The following UBE3A variants were observed in gnomAD, a reference collection of about 807,000 sequenced individuals.
The protein encoded by UBE3A is ubiquitin-protein ligase E3A.
UBE3A carries 6 observed loss-of-function variants against 83.4 expected under a neutral mutation model. The ratio of observed to expected loss-of-function variants is 0.07; its 90% CI spans 0.04 to 0.14. The LOEUF is 0.14. UBE3A is among the 10% of genes least tolerant of loss of function. UBE3A has a pLI of 1.00. For synonymous variants in UBE3A, 337 were observed against 355.4 expected, an observed-to-expected ratio of 0.95 and a Z score of 0.58; for missense variants, 456 against 1,036.1, an observed-to-expected ratio of 0.44 and a Z score of 7.69.
chr15:25,355,551 T>G (rs910897400), intron 9 of UBE3A, among the ~76,000 whole-genome samples: 1 of 152,176 alleles, frequency 6.6e-6, no homozygotes, highest in Non-Finnish European at 1.5e-5. Context: ...TAAATGTAAT[T>G]TTTATTTGTT....
At chr15:25,379,926 A>T (rs2081898665) in intron 4 of UBE3A, among the ~76,000 whole-genome samples, 1 of 152,178 alleles carries the variant, frequency 6.6e-6, no homozygotes, top group Non-Finnish European at 1.5e-5. Context: ...AAGTTCATTG[A>T]TTTATAAATA....
intron 6 of UBE3A, among the ~76,000 whole-genome samples, chr15:25,369,067 C>T (rs893523526): frequency 6.6e-6 from 1 of 152,072 alleles, no homozygotes; most frequent in Non-Finnish European, 1.5e-5. Context: ...ATAGACAGAC[C>T]TCAACATACC....
chr15:25,340,057 A>G (rs2074486567), intron 12 of UBE3A, 28 bp downstream of exon 12: 2 of 1,613,906 alleles, frequency 1.2e-6, no homozygotes, highest in Middle Eastern at 1.7e-4. Flanking sequence ...TTCGGTAGGT[A>G]TACAGTCACA....
In UBE3A at chr15:25,438,738, G is replaced by A. The variant is rs1337871546; in HGVS notation, c.-414C>T. 1 of 152,442 alleles carries A rather than the reference G, an allele frequency of 6.6e-6. No homozygotes were observed. The highest frequency in any genetic ancestry group is 1.5e-5 in the Non-Finnish European group (1 of 68,210). The allele number at this position is 152,442 out of a possible 1,614,324, so 9.4% of individuals were successfully genotyped here. On this transcript the variant is annotated 5_prime_UTR_variant, in exon 1 of 13. Transcript: ENST00000648336. The stretch of plus-strand genomic sequence containing the variant: ...GGGGGGCTGAGGGGCCCTCCTGCCA[G>A]GGGCTACAGGCCGCGAGCTATTCCG...
At chr15:25,388,571 C>T (rs1001494329) in intron 4 of UBE3A, among the ~76,000 whole-genome samples, 6 of 152,034 alleles carry the variant, frequency 3.9e-5, no homozygotes, top group Non-Finnish European at 8.8e-5. Flanking sequence ...AGAATATCCC[C>T]ACCTCACCAC....
At chr15:25,386,804 A>G (rs913022829) in intron 4 of UBE3A, among the ~76,000 whole-genome samples, 1 of 151,998 alleles carries the variant, frequency 6.6e-6, no homozygotes, top group Non-Finnish European at 1.5e-5. Flanking sequence ...TAGTGTTGAG[A>G]GAAAAAAAAA....
intron 1 of UBE3A, among the ~76,000 whole-genome samples, chr15:25,423,297 A>C (rs553108501): frequency 1.1e-4 from 16 of 152,318 alleles, no homozygotes; most frequent in African/African-American, 3.8e-4. Flanking sequence ...ACATGAATCA[A>C]AACAAGGTAA....
chr15:25,410,865 A>G (rs1475972257), intron 2 of UBE3A, among the ~76,000 whole-genome samples: 1 of 152,188 alleles, frequency 6.6e-6, no homozygotes, highest in Admixed American at 6.5e-5. Context: ...CCTTCCCTAA[A>G]ATAAACAATG....
chr15:25,349,643 C>T (rs935043004), intron 11 of UBE3A, among the ~76,000 whole-genome samples: 1 of 152,108 alleles, frequency 6.6e-6, no homozygotes, highest in African/African-American at 2.4e-5. Context: ...TTCATAGATA[C>T]AATACTCATT....
At chr15:25,428,168 C>T (rs2153173418) in intron 1 of UBE3A, among the ~76,000 whole-genome samples, 1 of 152,128 alleles carries the variant, frequency 6.6e-6, no homozygotes, top group African/African-American at 2.4e-5. Context: ...CTTAAAAAAT[C>T]ATTAAAAATG....
At chr15:25,437,367 T>C (rs1019621207) in intron 1 of UBE3A, among the ~76,000 whole-genome samples, 9 of 152,212 alleles carry the variant, frequency 5.9e-5, no homozygotes, top group African/African-American at 2.2e-4. Context: ...ACTTGTCCAA[T>C]TTATTCAACA....
chr15:25,343,741 G>A (rs924735093), intron 11 of UBE3A, among the ~76,000 whole-genome samples: 3 of 149,754 alleles, frequency 2.0e-5, no homozygotes, highest in Non-Finnish European at 3.0e-5. Context: ...ATTTACCAGC[G>A]TTAAAGGACT....
At chr15:25,380,647 T>G (rs891465327) in intron 4 of UBE3A, among the ~76,000 whole-genome samples, 1 of 152,250 alleles carries the variant, frequency 6.6e-6, no homozygotes, top group African/African-American at 2.4e-5. Flanking sequence ...ATTTCCCTGA[T>G]GAGATCCCTT....
At chr15:25,394,442 C>T (rs981505964) in intron 4 of UBE3A, among the ~76,000 whole-genome samples, 1 of 152,074 alleles carries the variant, frequency 6.6e-6, no homozygotes, top group African/African-American at 2.4e-5. Context: ...ATAGGAGAAC[C>T]ACTTATTTGA....
At chr15:25,382,185 G>A (rs1468782068) in intron 4 of UBE3A, among the ~76,000 whole-genome samples, 7 of 152,120 alleles carry the variant, frequency 4.6e-5, no homozygotes, top group Admixed American at 2.0e-4. Context: ...GCTGGGCGCC[G>A]TGGTGGGCGC....
At chr15:25,366,521 T>C (rs1420694870) in intron 6 of UBE3A, among the ~76,000 whole-genome samples, 1 of 152,178 alleles carries the variant, frequency 6.6e-6, no homozygotes. Context: ...CCTTTATCTG[T>C]GCTAATTCCT....
At chr15:25,356,964 T>C (rs555962134) in intron 7 of UBE3A, 68 bp from the exon 8 acceptor site, 346 of 1,308,354 alleles carry the variant, frequency 2.6e-4, no homozygotes, top group Middle Eastern at 5.0e-4. Flanking sequence ...ATAATACAAA[T>C]ATAAACTTAA....
chr15:25,400,736 T>C (rs1223420711), intron 4 of UBE3A, among the ~76,000 whole-genome samples: 4 of 152,204 alleles, frequency 2.6e-5, no homozygotes, highest in Admixed American at 1.3e-4. Flanking sequence ...ATATACAAGA[T>C]CATGTCATCT....
chr15:25,367,212 T>A (rs948517817), intron 6 of UBE3A, among the ~76,000 whole-genome samples: 21 of 88,226 alleles, frequency 2.4e-4, no homozygotes, highest in African/African-American at 2.0e-3. Context: ...TTTGTAAATA[T>A]GTAAATATTT....
Sources: gnomAD v4.1 joint callset for allele counts (sites outside exome capture counted in the v4.1 genomes callset) on GRCh38, gnomAD v4.1.1 for gene constraint, MANE v1.5 for transcripts, NCBI Gene and HGNC (gene_info 2026-07-23, HGNC 2026-07-21) for gene names.